The following LSR variants were observed in gnomAD, a reference collection of about 807,000 sequenced individuals.
LSR encodes the protein lipolysis stimulated lipoprotein receptor.
A neutral mutation model predicts 61.8 loss-of-function variants in LSR; 44 were observed. That is an observed-to-expected ratio of 0.71 (90% confidence interval 0.56 to 0.91). LSR has a LOEUF of 0.91. Among genes scored for constraint, LSR ranks in the 40% least tolerant of loss-of-function variants. LSR has a pLI of 0.00. For synonymous variants in LSR, 397 were observed against 350.6 expected, an observed-to-expected ratio of 1.13 and a Z score of -1.48; for missense variants, 911 against 830.5, an observed-to-expected ratio of 1.10 and a Z score of -1.19.
intron 5 of LSR, among the ~76,000 whole-genome samples, chr19:35,265,056 G>T (rs969647815): frequency 1.3e-5 from 2 of 152,166 alleles, no homozygotes; most frequent in Admixed American, 6.5e-5. Flanking sequence ...TATAGTCATT[G>T]AAGTCAGTGG....
intron 2 of LSR, among the ~76,000 whole-genome samples, chr19:35,255,900 C>T (rs1487921080): frequency 3.3e-5 from 5 of 152,204 alleles, no homozygotes; most frequent in South Asian, 4.2e-4. Context: ...TCAAAGGTTC[C>T]GGGCTTAGGC....
chr19:35,263,808 A>C (rs62112773), intron 5 of LSR, among the ~76,000 whole-genome samples: 1 of 150,828 alleles, frequency 6.6e-6, no homozygotes, highest in East Asian at 2.0e-4. Context: ...AAACTTAAGC[A>C]AATTTTTTTT....
intron 3 of LSR, among the ~76,000 whole-genome samples, chr19:35,260,330 C>T (rs561010783): frequency 4.0e-4 from 47 of 118,722 alleles, no homozygotes; most frequent in Non-Finnish European, 5.4e-4. Context: ...CTCGTTCTGT[C>T]GCCCAGGCTG....
chr19:35,261,233 C>T (rs1159338759), intron 3 of LSR, among the ~76,000 whole-genome samples: 1 of 152,102 alleles, frequency 6.6e-6, no homozygotes, highest in Non-Finnish European at 1.5e-5. Flanking sequence ...CCTTGTGGGT[C>T]CCAGAACCAG....
chr19:35,267,534 C>T lies in LSR; in HGVS notation c.1570C>T (p.Arg524Trp). The change falls in exon 9 of 10, where the codon CGG becomes TGG. Residue 524 changes from arginine (R) to tryptophan (W), a missense_variant. Arg to Trp is a moderately radical substitution (Grantham distance 101, BLOSUM62 -3). Transcript: ENST00000605618. ...CCCCAGGTCCCACCACCACCGTACCCGGGACCCTCGGGACAACGGCTCCAG... is the reference window on the plus strand; with the variant it reads ...CCCCAGGTCCCACCACCACCGTACCTGGGACCCTCGGGACAACGGCTCCAG... ...ADPRSHHHRTRDPRDNGSRSG... is the reference protein window; with the variant it reads ...ADPRSHHHRTWDPRDNGSRSG... 6.2e-7 allele frequency: 1 copy of T among 1,612,092 alleles called. No homozygotes were observed. The highest frequency in any genetic ancestry group is 8.5e-7 in the Non-Finnish European group (1 of 1,179,736).
At chr19:35,253,475 T>C (rs2065820702) in intron 2 of LSR, 3 of 152,664 alleles carry the variant, frequency 2.0e-5, no homozygotes, top group Admixed American at 2.0e-4. Context: ...AAGGCTCACG[T>C]ACCTCATGTC....
At chr19:35,262,950 C>A in intron 5 of LSR, 1 of 469,954 alleles carries the variant, frequency 2.1e-6, no homozygotes, top group East Asian at 3.7e-5. Flanking sequence ...TCCAACAGTA[C>A]AAGATACTAG....
chr19:35,261,894 A>G, intron 3 of LSR, 31 bp from the exon 4 acceptor site: 1 of 1,414,892 alleles, frequency 7.1e-7, no homozygotes. Context: ...GGCTCTGGCC[A>G]GCATAATCTG....
intron 2 of LSR, chr19:35,251,807 TG>T (rs1347637513): frequency 6.6e-6 from 1 of 151,530 alleles, no homozygotes; most frequent in Non-Finnish European, 1.5e-5. Context: ...AGTCTGGAGC[TG>T]GGGTTTGAAC....
rs10419861 is a variant in LSR at position 35,255,865 on chromosome 19, A to G, written c.455-3080A>G. Among the ~76,000 whole-genome samples the G allele has an allele frequency of 5.8e-3, 880 of 152,266 alleles. 10 individuals are homozygous for G. The highest frequency in any genetic ancestry group is 0.02 in the African/African-American group (825 of 41,540). Reference sequence around the variant, plus strand: ...TTCCTAGTTAGAATCTGAACTCTAGAAGGGCAAGGGCAAGGATTTATAACT... The same window carrying G: ...TTCCTAGTTAGAATCTGAACTCTAGGAGGGCAAGGGCAAGGATTTATAACT... On this transcript the variant is annotated intron_variant, in intron 2 of 9. Coordinates refer to ENST00000605618, the MANE Select transcript of LSR (RefSeq NM_205834.4).
At position 35,266,491 on chromosome 19, in the gene LSR, A is replaced by G. The variant is rs758690987; in HGVS notation, c.911A>G (p.Tyr304Cys). 2.9e-5 allele frequency: 47 copies of G among 1,611,434 alleles called. No individual in the cohort carries two copies. The highest frequency in any genetic ancestry group is 3.7e-5 in the Non-Finnish European group (44 of 1,178,556). Residue 304 changes from tyrosine (Y) to cysteine (C), a missense_variant, in exon 6 of 10, where the codon TAC (tyrosine) becomes TGC (cysteine). By Grantham distance (194) the Tyr-to-Cys change is radical (BLOSUM62 -2). Coordinates refer to ENST00000605618, the MANE Select transcript of LSR (RefSeq NM_205834.4). Reference sequence around the variant, plus strand: ...CCCATGGGCCCTGCCTACAACGGGTACCCTGGAGGATACCCTGGAGACGTT... The same window carrying G: ...CCCATGGGCCCTGCCTACAACGGGTGCCCTGGAGGATACCCTGGAGACGTT... ...MIPMGPAYNG[Y>C]PGGYPGDVDR...
At position 35,250,296 on chromosome 19, in the gene LSR, T is replaced by C. The variant is rs1568439208; in HGVS notation, c.110-19T>C. The C allele has an allele frequency of 6.7e-7, 1 of 1,502,482 alleles. No individual in the cohort carries two copies. Among genetic ancestry groups the C allele is most frequent in the Admixed American group, 2.1e-5 (1 of 47,970 alleles). 93.1% of individuals were successfully genotyped at this position (1,502,482 alleles called of 1,614,324 possible). On this transcript the variant is annotated intron_variant, in intron 1 of 9. Coordinates refer to ENST00000605618, the MANE Select transcript of LSR (RefSeq NM_205834.4). ...CCTGAGCTCACAGCAACCCTTGCTG[T>C]CTCTCCTCTTGCCCTCAGCTCCTGC...
intron 5 of LSR, among the ~76,000 whole-genome samples, chr19:35,265,661 A>G (rs1469749156): frequency 1.5e-5 from 2 of 137,304 alleles, no homozygotes; most frequent in African/African-American, 5.6e-5. Context: ...GGAGGATCTT[A>G]CCTTGAACTG....
chr19:35,254,506 G>A (rs2065833298), intron 2 of LSR, among the ~76,000 whole-genome samples: 2 of 152,228 alleles, frequency 1.3e-5, no homozygotes, highest in South Asian at 4.1e-4. Flanking sequence ...CATGCTTTGG[G>A]TGATGGACCA....
chr19:35,260,347 A>G (rs2065911455), intron 3 of LSR, among the ~76,000 whole-genome samples: 1 of 133,632 alleles, frequency 7.5e-6, no homozygotes, highest in Non-Finnish European at 1.5e-5. Context: ...GCTGGAGTGC[A>G]GTGGCTCGAT....
intron 4 of LSR, 143 bp from the exon 5 acceptor site, chr19:35,262,403 T>A: frequency 1.1e-6 from 1 of 944,360 alleles, no homozygotes; most frequent in Non-Finnish European, 1.6e-6. Flanking sequence ...GCACAAAAAA[T>A]CCAGCCAGGG....
intron 1 of LSR, 26 bp downstream of exon 1, chr19:35,249,157 T>A: frequency 6.6e-7 from 1 of 1,516,294 alleles, no homozygotes. Context: ...CCTCTGACGC[T>A]GCGGAACGCC....
At position 35,267,675 on chromosome 19, in the gene LSR, G is replaced by T. The variant is rs368874716; in HGVS notation, c.1711G>T (p.Ala571Ser). Residue 571 changes from alanine to serine, a missense_variant, in exon 9 of 10, where the codon GCG (alanine) becomes TCG (serine). By Grantham distance (99) the Ala-to-Ser change is moderately conservative (BLOSUM62 1). Coordinates refer to ENST00000605618, the MANE Select transcript of LSR (RefSeq NM_205834.4). ...EEEEEAYYPP[A>S]PPPYSETDSQ... Reference sequence around the variant, plus strand: ...GGAGGAAGAGGCCTACTACCCGCCCGCGCCGCCCCCGTACTCGGAGACCGA... The same window carrying T: ...GGAGGAAGAGGCCTACTACCCGCCCTCGCCGCCCCCGTACTCGGAGACCGA... The T allele has an allele frequency of 1.9e-6, 3 of 1,604,906 alleles. No homozygotes were observed. The highest frequency in any genetic ancestry group is 2.6e-6 in the Non-Finnish European group (3 of 1,176,228).
rs1381364084 is a variant in LSR, at chr19:35,267,264, G to A, written c.1300G>A (p.Gly434Arg). 12 of 1,518,802 alleles carry A rather than the reference G, an allele frequency of 7.9e-6. No homozygotes were observed. The highest frequency in any genetic ancestry group is 2.6e-5 in the South Asian group (2 of 78,068). 94.1% of individuals were successfully genotyped at this position (1,518,802 alleles called of 1,614,324 possible). A position where few individuals can be genotyped will look rare whatever the true frequency, so the allele number is the denominator to read the frequency against. ...GGAGCCCGCCAGGGAGCAGGCAGGC[G>A]GGGGCTGGCGGGCCAGGCGGCCCCG... ...DQEPAREQAGGGWRARRPRAR... is the reference protein window; with the variant it reads ...DQEPAREQAGRGWRARRPRAR... Residue 434 changes from glycine (G) to arginine (R), a missense_variant, in exon 9 of 10, where the codon GGG becomes AGG. Coordinates refer to ENST00000605618, the MANE Select transcript of LSR (RefSeq NM_205834.4).
Sources: allele counts gnomAD v4.1 joint callset (sites outside exome capture counted in the v4.1 genomes callset), GRCh38; gene constraint gnomAD v4.1.1; transcripts MANE v1.5; gene names NCBI Gene and HGNC (gene_info 2026-07-23, HGNC 2026-07-21).